The following DGKB variants were observed in gnomAD, a reference collection of about 807,000 sequenced individuals.
The protein encoded by DGKB is diacylglycerol kinase beta, also known as 90 kDa diacylglycerol kinase.
A neutral mutation model predicts 114.3 loss-of-function variants in DGKB; 67 were observed. The ratio of observed to expected loss-of-function variants is 0.59; its 90% CI spans 0.48 to 0.72. The LOEUF (loss-of-function observed/expected upper bound fraction) is 0.72. DGKB is among the 30% of genes least tolerant of loss of function. The probability of loss-of-function intolerance (pLI) is 0.00; values close to 1 mark genes in which losing one functional copy is unlikely to be tolerated. For synonymous variants in DGKB, 398 were observed against 323.1 expected (o/e 1.23, Z -2.49); for missense variants, 907 against 975.2 (o/e 0.93, Z 0.93).
At chr7:14,410,683 A>G (rs1194117848) in intron 21 of DGKB, among the ~76,000 whole-genome samples, 1 of 152,172 alleles carries the variant, frequency 6.6e-6, no homozygotes, top group East Asian at 1.9e-4. Context: ...TAAAATTAAA[A>G]GAAATTTGAC....
intron 1 of DGKB, among the ~76,000 whole-genome samples, chr7:14,971,378 C>T (rs1268087997): frequency 6.6e-6 from 1 of 152,160 alleles, no homozygotes; most frequent in Non-Finnish European, 1.5e-5. Flanking sequence ...ACCTCCGTTT[C>T]CACTTCTGAA....
At chr7:14,370,593 T>G (rs565745924) in intron 21 of DGKB, among the ~76,000 whole-genome samples, 35 of 152,170 alleles carry the variant, frequency 2.3e-4, no homozygotes, top group Non-Finnish European at 4.6e-4. Context: ...TGTCTTCTCT[T>G]ATTTTCTTGA....
At chr7:14,594,878 T>C (rs1424875623) in intron 17 of DGKB, among the ~76,000 whole-genome samples, 5 of 152,154 alleles carry the variant, frequency 3.3e-5, no homozygotes, top group African/African-American at 1.2e-4. Context: ...ATGGCACCTG[T>C]ATCTATCCAC....
intron 1 of DGKB, among the ~76,000 whole-genome samples, chr7:14,942,500 T>A (rs1293517030): frequency 1.3e-5 from 2 of 151,986 alleles, no homozygotes; most frequent in African/African-American, 4.8e-5. Flanking sequence ...AGTGGATGAT[T>A]ACGGTCATAG....
At chr7:14,165,058 A>G (rs1310326914) in intron 25 of DGKB, among the ~76,000 whole-genome samples, 2 of 152,020 alleles carry the variant, frequency 1.3e-5, no homozygotes, top group African/African-American at 4.8e-5. Flanking sequence ...CCTCATTTCT[A>G]TTTTCTGCCC....
At chr7:14,423,338 C>T (rs1216183563) in intron 21 of DGKB, among the ~76,000 whole-genome samples, 1 of 151,826 alleles carries the variant, frequency 6.6e-6, no homozygotes, top group Non-Finnish European at 1.5e-5. Context: ...AAATAAATGT[C>T]AAAAAGAATG....
At chr7:14,422,707 C>G (rs1475450301) in intron 21 of DGKB, among the ~76,000 whole-genome samples, 2 of 151,724 alleles carry the variant, frequency 1.3e-5, no homozygotes, top group African/African-American at 4.8e-5. Context: ...AGTACTTAAT[C>G]CTATGGTTGT....
intron 13 of DGKB, among the ~76,000 whole-genome samples, chr7:14,646,492 C>A (rs1325910558): frequency 6.6e-6 from 1 of 152,030 alleles, no homozygotes; most frequent in African/African-American, 2.4e-5. Context: ...ACCAAATGAA[C>A]CCAATAGATA....
chr7:14,568,287 A>C (rs1797893984), intron 20 of DGKB, among the ~76,000 whole-genome samples: 1 of 152,184 alleles, frequency 6.6e-6, no homozygotes, highest in African/African-American at 2.4e-5. Context: ...TGATTTCAGG[A>C]TCATTTCCGA....
intron 2 of DGKB, among the ~76,000 whole-genome samples, chr7:14,796,255 A>G (rs1359995540): frequency 6.6e-6 from 1 of 152,222 alleles, no homozygotes; most frequent in African/African-American, 2.4e-5. Flanking sequence ...TTTTTGATGG[A>G]AAAATTTATC....
At chr7:14,430,789 A>G (rs1828337855) in intron 21 of DGKB, among the ~76,000 whole-genome samples, 1 of 152,170 alleles carries the variant, frequency 6.6e-6, no homozygotes, top group Non-Finnish European at 1.5e-5. Context: ...GCACATTTTT[A>G]TGTGTTACAG....
intron 2 of DGKB, among the ~76,000 whole-genome samples, chr7:14,825,928 G>T (rs996331219): frequency 6.6e-6 from 1 of 152,152 alleles, no homozygotes; most frequent in African/African-American, 2.4e-5. Flanking sequence ...GAGGTCCCTT[G>T]GGCTTTCTGA....
chr7:14,914,280 C>T (rs1375272290), intron 1 of DGKB, among the ~76,000 whole-genome samples: 1 of 151,994 alleles, frequency 6.6e-6, no homozygotes, highest in Non-Finnish European at 1.5e-5. Context: ...GAGGTCTCTG[C>T]CAAAGGACTC....
intron 2 of DGKB, 125 bp from the exon 3 acceptor site, chr7:14,757,856 C>T: frequency 1.9e-6 from 1 of 532,666 alleles, no homozygotes; most frequent in Non-Finnish European, 3.4e-6. Flanking sequence ...TAAAAACCAA[C>T]ACATAAAATA....
intron 20 of DGKB, among the ~76,000 whole-genome samples, chr7:14,485,293 C>G (rs1783628177): frequency 7.3e-6 from 1 of 136,798 alleles, no homozygotes; most frequent in Non-Finnish European, 1.5e-5. Context: ...AGAACTAATG[C>G]TCATGAGGTG....
At chr7:14,685,913 C>T (rs762349835) in intron 9 of DGKB, among the ~76,000 whole-genome samples, 1 of 151,994 alleles carries the variant, frequency 6.6e-6, no homozygotes, top group Non-Finnish European at 1.5e-5. Context: ...GGGCTTCATT[C>T]GAGGAGTCCT....
intron 20 of DGKB, among the ~76,000 whole-genome samples, chr7:14,512,857 A>G (rs1318260960): frequency 6.6e-6 from 1 of 152,146 alleles, no homozygotes; most frequent in Non-Finnish European, 1.5e-5. Flanking sequence ...GAAAGAGCTT[A>G]TTTGAACTAA....
At chr7:14,705,770 G>C (rs954836050) in intron 6 of DGKB, among the ~76,000 whole-genome samples, 1 of 151,828 alleles carries the variant, frequency 6.6e-6, no homozygotes, top group African/African-American at 2.4e-5. Flanking sequence ...AATGCTAAGA[G>C]ATTTTGTCAC....
At position 14,543,181 on chromosome 7, in the gene DGKB, G is replaced by T. The variant is rs74479796; in HGVS notation, c.1770+31031C>A. On this transcript the variant is annotated intron_variant, in intron 20 of 25. Coordinates refer to ENST00000402815, the MANE Select transcript of DGKB (RefSeq NM_001350709.2). The stretch of plus-strand genomic sequence containing the variant: ...AAGAAAGACCATGGCCAGGCATAGT[G>T]GCTCACACCTGTAATCCCCACACTT... Among the ~76,000 whole-genome samples, 1,202 of 152,240 alleles carry T rather than the reference G, an allele frequency of 7.9e-3. 22 individuals are homozygous for T. The highest frequency in any genetic ancestry group is 0.028 in the African/African-American group (1,159 of 41,542).
Sources: allele counts gnomAD v4.1 joint callset (sites outside exome capture counted in the v4.1 genomes callset), GRCh38; gene constraint gnomAD v4.1.1; transcripts MANE v1.5; gene names NCBI Gene and HGNC (gene_info 2026-07-23, HGNC 2026-07-21).